CTNNA3: variants seen among roughly 807,000 people sequenced by gnomAD.
The protein encoded by CTNNA3 is catenin alpha-3.
A neutral mutation model predicts 95.7 loss-of-function variants in CTNNA3; 76 were observed. The observed-to-expected ratio is 0.79, with a 90% confidence interval of 0.66 to 0.96. CTNNA3 has a LOEUF of 0.96. Ranked by LOEUF, CTNNA3 falls within the 40% of genes least tolerant of loss-of-function variation. CTNNA3 has a pLI of 0.00. For missense variants in CTNNA3, 1,191 were observed against 1,089.8 expected (o/e 1.09, Z -1.31); for synonymous variants, 431 against 374.4 (o/e 1.15, Z -1.74).
At chr10:67,470,550 C>A (rs1010973938) in intron 5 of CTNNA3, among the ~76,000 whole-genome samples, 23 of 152,028 alleles carry the variant, frequency 1.5e-4, no homozygotes, top group African/African-American at 5.3e-4. Context: ...TTTGATAGAT[C>A]ACTTGAATCT....
intron 7 of CTNNA3, among the ~76,000 whole-genome samples, chr10:67,001,435 G>A (rs968012806): frequency 6.6e-6 from 1 of 151,844 alleles, no homozygotes; most frequent in Non-Finnish European, 1.5e-5. Flanking sequence ...GGTGAAGTAG[G>A]AGCTGAAGAC....
At chr10:67,437,487 TAATA>T (rs1222771497) in intron 5 of CTNNA3, among the ~76,000 whole-genome samples, 1 of 151,994 alleles carries the variant, frequency 6.6e-6, no homozygotes, top group African/African-American at 2.4e-5. Flanking sequence ...CCAATAAATT[TAATA>T]AATACCCCAA....
intron 15 of CTNNA3, among the ~76,000 whole-genome samples, chr10:66,035,156 A>G (rs2079535053): frequency 6.6e-6 from 1 of 152,160 alleles, no homozygotes; most frequent in African/African-American, 2.4e-5. Context: ...ATATCTTTGT[A>G]GTCCAAATTA....
intron 13 of CTNNA3, among the ~76,000 whole-genome samples, chr10:66,221,095 A>G (rs1461204863): frequency 2.6e-5 from 4 of 152,176 alleles, no homozygotes; most frequent in Admixed American, 6.5e-5. Flanking sequence ...TGTGTCTCCT[A>G]TACTATTCAG....
At chr10:66,354,473 T>C (rs1467732089) in intron 12 of CTNNA3, among the ~76,000 whole-genome samples, 4 of 151,986 alleles carry the variant, frequency 2.6e-5, no homozygotes, top group African/African-American at 4.8e-5. Flanking sequence ...CCAAAAACAG[T>C]TGAAAATCTG....
At chr10:66,504,682 T>C (rs1840391200) in intron 11 of CTNNA3, among the ~76,000 whole-genome samples, 1 of 152,304 alleles carries the variant, frequency 6.6e-6, no homozygotes, top group Non-Finnish European at 1.5e-5. Context: ...CGATTTTTCC[T>C]CATCCAATTT....
At chr10:67,210,926 C>T (rs1864114612) in intron 6 of CTNNA3, among the ~76,000 whole-genome samples, 1 of 152,094 alleles carries the variant, frequency 6.6e-6, no homozygotes, top group Non-Finnish European at 1.5e-5. Flanking sequence ...CTAGTTAACG[C>T]TAAACTAACC....
At chr10:67,324,368 A>C (rs1292408826) in intron 5 of CTNNA3, among the ~76,000 whole-genome samples, 2 of 152,096 alleles carry the variant, frequency 1.3e-5, no homozygotes, top group Non-Finnish European at 2.9e-5. Flanking sequence ...TGTTGACTGA[A>C]TGAGTTTGTC....
At chr10:67,045,248 G>T (rs1225417337) in intron 7 of CTNNA3, among the ~76,000 whole-genome samples, 3 of 152,072 alleles carry the variant, frequency 2.0e-5, no homozygotes, top group African/African-American at 4.8e-5. Context: ...TTAAATACCT[G>T]TTTTGTGACA....
At chr10:67,485,618 C>T (rs1848416601) in intron 5 of CTNNA3, among the ~76,000 whole-genome samples, 2 of 152,148 alleles carry the variant, frequency 1.3e-5, no homozygotes, top group African/African-American at 4.8e-5. Flanking sequence ...GGAAGTTAGA[C>T]CCAGTGATGA....
chr10:66,633,963 G>A (rs1410841949), intron 9 of CTNNA3, among the ~76,000 whole-genome samples: 1 of 152,104 alleles, frequency 6.6e-6, no homozygotes, highest in Non-Finnish European at 1.5e-5. Flanking sequence ...CCAATGACAA[G>A]TAAAACAGCA....
At chr10:67,633,652 C>T (rs890114444) in intron 2 of CTNNA3, among the ~76,000 whole-genome samples, 2 of 152,070 alleles carry the variant, frequency 1.3e-5, no homozygotes, top group African/African-American at 2.4e-5. Flanking sequence ...AGAAGAGTGA[C>T]CTGACTGTTA....
intron 13 of CTNNA3, among the ~76,000 whole-genome samples, chr10:66,138,160 G>A (rs2083446333): frequency 6.6e-6 from 1 of 152,096 alleles, no homozygotes; most frequent in Admixed American, 6.5e-5. Context: ...ATATATGTAT[G>A]CATTAAATTT....
At chr10:66,122,666 A>G (rs2082633624) in intron 13 of CTNNA3, among the ~76,000 whole-genome samples, 1 of 152,228 alleles carries the variant, frequency 6.6e-6, no homozygotes, top group Non-Finnish European at 1.5e-5. Flanking sequence ...AAGACATACC[A>G]AAGACTGGGC....
At chr10:66,158,179 T>C (rs1479284634) in intron 13 of CTNNA3, among the ~76,000 whole-genome samples, 2 of 152,164 alleles carry the variant, frequency 1.3e-5, no homozygotes, top group Non-Finnish European at 2.9e-5. Flanking sequence ...AGGTCCTAGC[T>C]ATTTATCTTT....
chr10:65,963,631 G>A (rs1010256998), intron 17 of CTNNA3, among the ~76,000 whole-genome samples: 1 of 152,022 alleles, frequency 6.6e-6, no homozygotes, highest in African/African-American at 2.4e-5. Context: ...AATTTTTTAT[G>A]CATTTCAATA....
At chr10:67,314,074 T>C (rs2132533813) in intron 5 of CTNNA3, among the ~76,000 whole-genome samples, 1 of 152,312 alleles carries the variant, frequency 6.6e-6, no homozygotes, top group East Asian at 1.9e-4. Context: ...AAACAGCAAG[T>C]ATTTGGGCTT....
intron 7 of CTNNA3, among the ~76,000 whole-genome samples, chr10:67,051,404 TA>T (rs2133185681): frequency 6.6e-6 from 1 of 152,336 alleles, no homozygotes; most frequent in South Asian, 2.1e-4. Flanking sequence ...TTTTAACAGC[TA>T]ATAAGCCAAG....
chr10:67,750,163 G>A lies in CTNNA3; in HGVS notation c.-2+13271C>T, dbSNP rs572838820. ...CTTTAAGAGCTGTAACAGTTACCAC[G>A]AAGGTCCGTGGCTTCATTCTTGAAG... On this transcript the variant is annotated intron_variant, in intron 1 of 17. Coordinates refer to the CTNNA3 transcript ENST00000684154. The A allele has an allele frequency of 3.1e-4, 310 of 1,000,766 alleles. 1 individual carries two copies. The highest frequency in any genetic ancestry group is 1.6e-3 in the Middle Eastern group (5 of 3,156). 62.0% of individuals were successfully genotyped at this position (1,000,766 alleles called of 1,614,324 possible).
Sources: gnomAD v4.1 joint callset for allele counts (sites outside exome capture counted in the v4.1 genomes callset) on GRCh38, gnomAD v4.1.1 for gene constraint, MANE v1.5 for transcripts, NCBI Gene and HGNC (gene_info 2026-07-23, HGNC 2026-07-21) for gene names.